The following ZNF569 variants were observed in gnomAD, a reference collection of about 807,000 sequenced individuals.
ZNF569 encodes zinc finger protein 569.
In ZNF569, 38 loss-of-function variants were observed where a neutral mutation model predicts 56.3. The observed-to-expected ratio is 0.68, with a 90% CI of 0.52 to 0.88. ZNF569 has a LOEUF of 0.88. Among genes scored for constraint, ZNF569 ranks in the 40% least tolerant of loss-of-function variants. ZNF569 has a pLI of 0.00. For synonymous variants in ZNF569, 241 were observed against 262.9 expected (o/e 0.92, Z 0.81); for missense variants, 666 against 809.2 (o/e 0.82, Z 2.15).
intron 3 of ZNF569, among the ~76,000 whole-genome samples, chr19:37,427,086 G>A (rs149515419): frequency 6.6e-6 from 1 of 152,316 alleles, no homozygotes; most frequent in East Asian, 1.9e-4. Context: ...AGGAGACTGA[G>A]ACGTGAAAAT....
intron 5 of ZNF569, among the ~76,000 whole-genome samples, chr19:37,414,657 TA>T (rs1201877010): frequency 1.7e-4 from 26 of 152,090 alleles, no homozygotes; most frequent in African/African-American, 6.0e-4. Flanking sequence ...TTGATTGCTT[TA>T]AAAAATGATC....
At chr19:37,460,934 G>A (rs2041748220) in intron 2 of ZNF569, among the ~76,000 whole-genome samples, 1 of 152,036 alleles carries the variant, frequency 6.6e-6, no homozygotes, top group African/African-American at 2.4e-5. Flanking sequence ...GCTTCAAAAA[G>A]AAAATAAGTG....
Position 37,413,241 on chromosome 19 carries a change from TC to T in ZNF569, c.1416del (p.Ala474ProfsTer68). 1 of 1,611,448 alleles carries T rather than the reference TC, an allele frequency of 6.2e-7. No individual in the cohort carries two copies. Among genetic ancestry groups the T allele is most frequent in the Non-Finnish European group, 8.5e-7 (1 of 1,179,242 alleles). On this transcript the variant is annotated frameshift_variant, in exon 6 of 6. Transcript: ENST00000316950. LOFTEE classifies it high-confidence loss of function. The part of the protein sequence containing the change: ...GEKPYICKEC[G>X]KAFSQKSNLI... ...AGATTTGATTTCTGGCTAAAGGCTT[TC>T]CCACATTCCTTACATATATAGGGTT...
upstream of ZNF569, chr19:37,469,247 C>A (rs1472243749): frequency 7.2e-7 from 1 of 1,382,238 alleles, no homozygotes; most frequent in African/African-American, 1.5e-5. Context: ...TGCTGCCAGA[C>A]ACTGCGACGC....
At chr19:37,441,599 T>G (rs550867388) in intron 3 of ZNF569, among the ~76,000 whole-genome samples, 1 of 151,674 alleles carries the variant, frequency 6.6e-6, no homozygotes, top group South Asian at 2.1e-4. Context: ...AGGCAGAGGT[T>G]GCAGCGAGCT....
In ZNF569 at chr19:37,432,325, C is replaced by T. The variant is rs111467756; in HGVS notation, c.16-5947G>A. Among the ~76,000 whole-genome samples the T allele has an allele frequency of 5.2e-3, 792 of 152,306 alleles. 3 individuals carry two copies. The highest frequency in any genetic ancestry group is 8.4e-3 in the Non-Finnish European group (571 of 68,028). ...TCCCCTAGCTCCAGGCAACTCAGCA[C>T]AGAAAGACTCTGGGAGAAAGTAAGA... On this transcript the variant is annotated intron_variant, in intron 3 of 5. Transcript: ENST00000316950.
chr19:37,439,166 G>C (rs961816959), intron 3 of ZNF569, among the ~76,000 whole-genome samples: 5 of 152,156 alleles, frequency 3.3e-5, no homozygotes, highest in African/African-American at 1.2e-4. Flanking sequence ...CGCCTCCCGG[G>C]TTCAAGCGAT....
At chr19:37,418,301 A>G (rs1025267761) in intron 5 of ZNF569, among the ~76,000 whole-genome samples, 1 of 152,046 alleles carries the variant, frequency 6.6e-6, no homozygotes, top group Non-Finnish European at 1.5e-5. Flanking sequence ...GGTTAATTGT[A>G]TAGGGGCAAA....
At chr19:37,447,776 T>C (rs918841093) in intron 2 of ZNF569, among the ~76,000 whole-genome samples, 1 of 152,216 alleles carries the variant, frequency 6.6e-6, no homozygotes, top group African/African-American at 2.4e-5. Context: ...CTTCAATTCC[T>C]AGTTTGCTGA....
In ZNF569 at chr19:37,426,294, G is replaced by A. The variant is rs116491235; in HGVS notation, c.100C>T (p.Arg34Trp). ...TTATAGTTTTCTAGCATCACATTCCGGTACAGTTTTCTCTGAGCAGGATCC... is the reference window on the plus strand; with the variant it reads ...TTATAGTTTTCTAGCATCACATTCCAGTACAGTTTTCTCTGAGCAGGATCC... ...RLDPAQRKLY[R>W]NVMLENYNNL... The change falls in exon 4 of 6, where the codon CGG (arginine) becomes TGG (tryptophan). Residue 34 changes from arginine to tryptophan, a missense_variant. Transcript: ENST00000316950. 29 of 1,613,526 alleles carry A rather than the reference G, an allele frequency of 1.8e-5. No individual in the cohort carries two copies. The highest frequency in any genetic ancestry group is 6.7e-5 in the African/African-American group (5 of 74,984).
chr19:37,413,090 T>G lies in ZNF569; in HGVS notation c.1568A>C (p.Asp523Ala). 3 of 1,613,592 alleles carry G rather than the reference T, an allele frequency of 1.9e-6. No individual in the cohort carries two copies. Among genetic ancestry groups the G allele is most frequent in the African/African-American group, 2.7e-5 (2 of 74,892 alleles). The change falls in exon 6 of 6, where the codon GAT becomes GCT. Residue 523 changes from aspartate (D) to alanine (A), a missense_variant. Asp to Ala is a moderately radical substitution (Grantham distance 126). Transcript: ENST00000316950. ...QKVHTGEKPY[D>A]CNECGKAFSQ... ...GAAGGCTTTACCACATTCATTACAATCATAAGGTTTCTCTCCAGTATGAAC... is the reference window on the plus strand; with the variant it reads ...GAAGGCTTTACCACATTCATTACAAGCATAAGGTTTCTCTCCAGTATGAAC...
intron 3 of ZNF569, among the ~76,000 whole-genome samples, chr19:37,432,708 C>T (rs919841680): frequency 3.9e-5 from 6 of 152,114 alleles, no homozygotes; most frequent in African/African-American, 1.4e-4. Flanking sequence ...CCTGGAGACA[C>T]AGAAATCTGT....
chr19:37,449,091 G>C (rs1274337673), intron 2 of ZNF569, among the ~76,000 whole-genome samples: 1 of 152,028 alleles, frequency 6.6e-6, no homozygotes, highest in Middle Eastern at 3.2e-3. Flanking sequence ...GGACTATTTA[G>C]AAGTGTGTTT....
chr19:37,413,204 T>C lies in ZNF569; in HGVS notation c.1454A>G (p.Glu485Gly). ...FSQKSNLIAHEKIHSGEKPYE... is the reference protein window; with the variant it reads ...FSQKSNLIAHGKIHSGEKPYE... ...GGGTTTCTCTCCAGAATGAATTTTT[T>C]CATGAGCAATGAGATTTGATTTCTG... Residue 485 changes from glutamate to glycine, a missense_variant, in exon 6 of 6, where the codon GAA becomes GGA. By Grantham distance (98) the Glu-to-Gly change is moderately conservative (BLOSUM62 -2). Transcript: ENST00000316950. The C allele has an allele frequency of 6.2e-7, 1 of 1,607,824 alleles. No homozygotes were observed. The highest frequency in any genetic ancestry group is 8.5e-7 in the Non-Finnish European group (1 of 1,177,998).
chr19:37,444,947 G>T lies in ZNF569; in HGVS notation c.-26C>A. On this transcript the variant is annotated 5_prime_UTR_variant, in exon 3 of 6. Coordinates refer to ENST00000316950, the MANE Select transcript of ZNF569 (RefSeq NM_152484.3). ...TTCCTCTTCTTTCTGGGAAGGGATG[G>T]GGCCTGCAGAAGTAGAGCTGGGGAA... The T allele has an allele frequency of 6.2e-7, 1 of 1,606,954 alleles. No individual in the cohort carries two copies. Among genetic ancestry groups the T allele is most frequent in the Non-Finnish European group, 8.5e-7 (1 of 1,177,422 alleles).
At chr19:37,420,972 A>T (rs1187908997) in intron 5 of ZNF569, among the ~76,000 whole-genome samples, 1 of 152,178 alleles carries the variant, frequency 6.6e-6, no homozygotes, top group Non-Finnish European at 1.5e-5. Context: ...ACCAACACTG[A>T]TCTCCTTGTA....
chr19:37,448,190 GAAA>G (rs2041530009), intron 2 of ZNF569, among the ~76,000 whole-genome samples: 2 of 152,236 alleles, frequency 1.3e-5, no homozygotes, highest in African/African-American at 4.8e-5. Flanking sequence ...CTTCACCTGG[GAAA>G]TTATCTGGGT....
At chr19:37,453,666 T>C (rs2041629662) in intron 2 of ZNF569, among the ~76,000 whole-genome samples, 1 of 152,232 alleles carries the variant, frequency 6.6e-6, no homozygotes, top group Non-Finnish European at 1.5e-5. Flanking sequence ...AAATATAATA[T>C]GTGTAGATGT....
chr19:37,442,288 A>C (rs2146934055), intron 3 of ZNF569, among the ~76,000 whole-genome samples: 1 of 152,380 alleles, frequency 6.6e-6, no homozygotes, highest in South Asian at 2.1e-4. Context: ...ATTTCAGCAG[A>C]AACCTGAATG....
Sources: allele counts gnomAD v4.1 joint callset (sites outside exome capture counted in the v4.1 genomes callset), GRCh38; gene constraint gnomAD v4.1.1; transcripts MANE v1.5; gene names NCBI Gene and HGNC (gene_info 2026-07-23, HGNC 2026-07-21).